The following ZNF683 variants were observed in gnomAD, a reference collection of about 807,000 sequenced individuals.
The protein encoded by ZNF683 is zinc finger protein 683.
In ZNF683, 20 loss-of-function variants were observed where a neutral mutation model predicts 31.4. The ratio of observed to expected loss-of-function variants is 0.64; its 90% confidence interval spans 0.45 to 0.93. ZNF683 has a LOEUF of 0.93. Ranked by LOEUF, ZNF683 falls within the 40% of genes least tolerant of loss-of-function variation. ZNF683 has a pLI of 0.00. For synonymous variants in ZNF683, 264 were observed against 267.6 expected, an observed-to-expected ratio of 0.99 and a Z score of 0.13; for missense variants, 621 against 637.2, an observed-to-expected ratio of 0.97 and a Z score of 0.27.
chr1:26,362,198 A>T (rs1192410601), intron 5 of ZNF683, 176 bp from the exon 6 acceptor site: 1 of 1,567,424 alleles, frequency 6.4e-7, no homozygotes, highest in Non-Finnish European at 8.7e-7. Flanking sequence ...AACCAGGCCA[A>T]CTTGGGTTAG....
upstream of ZNF683, among the ~76,000 whole-genome samples, chr1:26,374,083 C>G (rs533758450): frequency 7.7e-4 from 117 of 151,940 alleles, 3 homozygotes; most frequent in East Asian, 0.016. Context: ...CTTCCCCCAA[C>G]TCCTCAGTGG....
In ZNF683 at chr1:26,367,695, G is replaced by A. The variant is rs1315657360; in HGVS notation, c.217C>T (p.Leu73=). 6 of 1,612,752 alleles carry A rather than the reference G, an allele frequency of 3.7e-6. No individual in the cohort carries two copies. In the African/African-American group the frequency reaches 4.0e-5, roughly 11 times the overall value. Residue 73 remains leucine (L), a synonymous_variant, in exon 3 of 6, where the codon CTG becomes TTG. Coordinates refer to ENST00000349618, the MANE Select transcript of ZNF683 (RefSeq NM_001114759.3). Reference sequence around the variant, plus strand: ...TCCAGGTCCTGTAGGCAGGCCAGCAGTGCAGACCTGCCCGGTGCCAGGGGC... The same window carrying A: ...TCCAGGTCCTGTAGGCAGGCCAGCAATGCAGACCTGCCCGGTGCCAGGGGC... ...PLPLAPGRSA[L]LACLQDLDLN... is the part of the protein sequence containing the mutation.
Position 26,365,020 on chromosome 1 carries a change from G to C in ZNF683, c.526C>G (p.Pro176Ala). 6.3e-7 allele frequency: 1 copy of C among 1,588,800 alleles called. No individual in the cohort carries two copies. The highest frequency in any genetic ancestry group is 2.2e-5 in the East Asian group (1 of 44,746). Residue 176 changes from proline (P) to alanine (A), a missense_variant, in exon 4 of 6, where the codon CCC (proline) becomes GCC (alanine). Transcript: ENST00000349618. The stretch of plus-strand genomic sequence containing the variant: ...TCCTTGGAGATGGAGTTGACAGGGG[G>C]ACAGGGGCAGAAAGCCAAGGGGCTG... ...SPSPLAFCPC[P>A]PVNSISKELP...
chr1:26,363,070 T>A lies in ZNF683; in HGVS notation c.1099A>T (p.Lys367Ter), dbSNP rs1440332092. ...TCCCCAGTGTGCACCAGGTGGTGCT[T>A]CTGCAGGTGGGCAAGTTGAGTGAAG... Reference protein sequence around the residue: ...KSFTQLAHLQKHHLVHTGERP... With the variant: ...KSFTQLAHLQ Residue 367 changes from lysine (K) to a stop codon, truncating the protein, a stop_gained, in exon 5 of 6, where the codon AAG becomes TAG. Coordinates refer to ENST00000349618, the MANE Select transcript of ZNF683 (RefSeq NM_001114759.3). LOFTEE classifies it low-confidence loss of function (END_TRUNC). 2 of 1,612,546 alleles carry A rather than the reference T, an allele frequency of 1.2e-6. No homozygotes were observed. The highest frequency in any genetic ancestry group is 1.7e-6 in the Non-Finnish European group (2 of 1,179,306).
At position 26,361,800 on chromosome 1, in the gene ZNF683, G is replaced by A. The variant is rs759412932; in HGVS notation, c.1366C>T (p.Leu456=). ...TCAGATGCCACCGCCATAAGATCTA[G>A]TGCCCCCTGGTGCCATTGGGCAAGG... The part of the protein sequence containing the change: ...ACLAQWHQGA[L]DLMAVASEKH... The change falls in exon 6 of 6, where the codon CTA becomes TTA. Residue 456 remains leucine (L), a synonymous_variant. Coordinates refer to ENST00000349618, the MANE Select transcript of ZNF683 (RefSeq NM_001114759.3). 7.4e-6 allele frequency: 12 copies of A among 1,613,962 alleles called. No individual in the cohort carries two copies. Among genetic ancestry groups the A allele is most frequent in the Non-Finnish European group, 9.3e-6 (11 of 1,179,916 alleles).
upstream of ZNF683, among the ~76,000 whole-genome samples, chr1:26,373,690 C>T (rs1246468841): frequency 1.3e-5 from 2 of 152,210 alleles, no homozygotes; most frequent in Non-Finnish European, 2.9e-5. Flanking sequence ...TTCTGCTTAA[C>T]TCCTCCTGAA....
chr1:26,369,015 C>A (rs1339655909), intron 1 of ZNF683, among the ~76,000 whole-genome samples: 1 of 151,808 alleles, frequency 6.6e-6, no homozygotes, highest in Non-Finnish European at 1.5e-5. Flanking sequence ...GAGTCCAAGG[C>A]GGTTGGATGA....
chr1:26,366,342 CAA>C (rs1173737722), intron 3 of ZNF683, among the ~76,000 whole-genome samples: 118 of 68,986 alleles, frequency 1.7e-3, no homozygotes, highest in Middle Eastern at 8.9e-3. Flanking sequence ...CAGCCTATCT[CAA>C]AAAAAAAAAA....
intron 1 of ZNF683, chr1:26,370,576 C>A: frequency 1.1e-6 from 1 of 897,410 alleles, no homozygotes; most frequent in Non-Finnish European, 1.3e-6. Flanking sequence ...AAAACCCCTT[C>A]TCCTTTCCCT....
chr1:26,365,740 C>T (rs1288473276), intron 3 of ZNF683, among the ~76,000 whole-genome samples: 2 of 152,180 alleles, frequency 1.3e-5, no homozygotes, highest in East Asian at 1.9e-4. Context: ...AAATAAAAAA[C>T]CTGTTAAAAA....
upstream of ZNF683, among the ~76,000 whole-genome samples, chr1:26,374,035 T>C (rs961391105): frequency 2.7e-5 from 4 of 149,312 alleles, no homozygotes; most frequent in Non-Finnish European, 5.9e-5. Context: ...CTCATTTCTT[T>C]CTTTCTTGCT....
chr1:26,370,549 CAGTG>C, intron 1 of ZNF683: 1 of 671,962 alleles, frequency 1.5e-6, no homozygotes, highest in Non-Finnish European at 1.8e-6. Context: ...ACCCTCACTC[CAGTG>C]TCTCAGCCCT....
Position 26,361,897 on chromosome 1 carries a change from C to T in ZNF683, c.1269G>A (p.Leu423=). The change falls in exon 6 of 6, where the codon CTG becomes CTA. Residue 423 remains leucine (L), a synonymous_variant. Coordinates refer to ENST00000349618, the MANE Select transcript of ZNF683 (RefSeq NM_001114759.3). ...SRFTQHIHLK[L]HHRLHAPQPC... is the part of the protein sequence containing the mutation. Reference sequence around the variant, plus strand: ...GCTGTGGGGCATGCAGCCGATGGTGCAGCTTCAGGTGGATGTGCTGGGTGA... The same window carrying T: ...GCTGTGGGGCATGCAGCCGATGGTGTAGCTTCAGGTGGATGTGCTGGGTGA... The T allele has an allele frequency of 6.2e-7, 1 of 1,613,976 alleles. No individual in the cohort carries two copies. The highest frequency in any genetic ancestry group is 8.5e-7 in the Non-Finnish European group (1 of 1,179,892).
rs781612225 is a variant in ZNF683 at position 26,364,611 on chromosome 1, G to A, written c.935C>T (p.Pro312Leu). The A allele has an allele frequency of 1.2e-5, 19 of 1,613,974 alleles. No individual in the cohort carries two copies. Among genetic ancestry groups the A allele is most frequent in the South Asian group, 4.4e-5 (4 of 91,074 alleles). ...SQTGTAALPY[P>L]LKKKNGKILY... ...GATTTTGCCATTCTTCTTTTTCAGC[G>A]GGTAAGGCAAGGCTGCGGTGCCTGT... The change falls in exon 4 of 6, where the codon CCG becomes CTG. Residue 312 changes from proline (P) to leucine (L), a missense_variant. Coordinates refer to ENST00000349618, the MANE Select transcript of ZNF683 (RefSeq NM_001114759.3).
intron 4 of ZNF683, among the ~76,000 whole-genome samples, chr1:26,363,972 T>C (rs559015862): frequency 5.9e-5 from 9 of 152,336 alleles, no homozygotes; most frequent in African/African-American, 2.2e-4. Flanking sequence ...CGCCCTTTGC[T>C]AACGCACTGA....
At chr1:26,363,275 TC>T in intron 4 of ZNF683, 121 bp from the exon 5 acceptor site, 1 of 1,294,666 alleles carries the variant, frequency 7.7e-7, no homozygotes, top group Non-Finnish European at 1.1e-6. Context: ...GGGCCCATCA[TC>T]CCCAGGATAC....
upstream of ZNF683, chr1:26,372,875 G>A: frequency 8.6e-7 from 1 of 1,162,432 alleles, no homozygotes; most frequent in Non-Finnish European, 1.1e-6. Flanking sequence ...GCAAGGAAGG[G>A]CTTGGCAGGC....
intron 1 of ZNF683, among the ~76,000 whole-genome samples, chr1:26,372,288 T>A (rs2074687619): frequency 1.3e-5 from 2 of 152,210 alleles, no homozygotes. Context: ...TTTGTGAGCA[T>A]CTCAAGGACA....
chr1:26,372,808 G>A (rs2074700193), upstream of ZNF683: 40 of 1,187,268 alleles, frequency 3.4e-5, no homozygotes, highest in South Asian at 6.3e-4. Context: ...ATCACATTTA[G>A]GCCTGTGACA....
Sources: allele counts gnomAD v4.1 joint callset (sites outside exome capture counted in the v4.1 genomes callset), GRCh38; gene constraint gnomAD v4.1.1; transcripts MANE v1.5; gene names NCBI Gene and HGNC (gene_info 2026-07-23, HGNC 2026-07-21).